Variants in TTC28 observed in about 807,000 individuals in gnomAD.
TTC28 encodes tetratricopeptide repeat domain 28, also known as tetratricopeptide repeat protein 28.
TTC28 carries 61 observed loss-of-function variants against 198.0 expected under a neutral mutation model. The ratio of observed to expected loss-of-function variants is 0.31; its 90% CI spans 0.25 to 0.38. TTC28 has a LOEUF of 0.38. Ranked by LOEUF, TTC28 falls within the 10% of genes least tolerant of loss-of-function variation. The probability of loss-of-function intolerance (pLI) is 1.00; values close to 1 mark genes in which losing one functional copy is unlikely to be tolerated. For missense variants in TTC28, 2,678 were observed against 3,164.0 expected (o/e 0.85, Z 3.69); for synonymous variants, 1,171 against 1,297.8 (o/e 0.90, Z 2.10).
intron 5 of TTC28, among the ~76,000 whole-genome samples, chr22:28,217,092 T>C (rs536667242): frequency 2.0e-3 from 306 of 152,176 alleles, no homozygotes; most frequent in South Asian, 0.013. Flanking sequence ...TACCCTCAGA[T>C]ATAGGCAAGA....
chr22:28,414,450 T>C (rs1387535938), intron 2 of TTC28, among the ~76,000 whole-genome samples: 1 of 152,214 alleles, frequency 6.6e-6, no homozygotes, highest in East Asian at 1.9e-4. Flanking sequence ...CTCAGGATTC[T>C]ATCAACTGAG....
chr22:28,243,198 A>G (rs1929802825), intron 5 of TTC28, among the ~76,000 whole-genome samples: 1 of 92,428 alleles, frequency 1.1e-5, no homozygotes, highest in African/African-American at 3.7e-5. Flanking sequence ...AAAAAAAAAA[A>G]AAAAAAAAAA....
intron 12 of TTC28, among the ~76,000 whole-genome samples, chr22:28,092,308 A>T (rs1370245017): frequency 6.6e-6 from 1 of 152,192 alleles, no homozygotes; most frequent in Admixed American, 6.5e-5. Flanking sequence ...GTTCTGGGAC[A>T]GTAGGGGCTA....
At chr22:28,459,779 A>G (rs981697930) in intron 2 of TTC28, 1 of 152,048 alleles carries the variant, frequency 6.6e-6, no homozygotes, top group Non-Finnish European at 1.5e-5. Context: ...CTTCAAGAAC[A>G]CCTTGACAGC....
At chr22:28,168,626 A>T (rs1003468186) in intron 5 of TTC28, among the ~76,000 whole-genome samples, 1 of 152,192 alleles carries the variant, frequency 6.6e-6, no homozygotes, top group African/African-American at 2.4e-5. Context: ...CATATGTAGA[A>T]AGCTGAAACT....
At chr22:28,416,792 A>G (rs2047173911) in intron 2 of TTC28, among the ~76,000 whole-genome samples, 1 of 152,216 alleles carries the variant, frequency 6.6e-6, no homozygotes, top group East Asian at 1.9e-4. Context: ...GGGAACATTT[A>G]AACAAAACCA....
chr22:28,334,256 G>A (rs532821663), intron 2 of TTC28, among the ~76,000 whole-genome samples: 16 of 151,994 alleles, frequency 1.1e-4, no homozygotes, highest in African/African-American at 3.9e-4. Flanking sequence ...TATCATTGAT[G>A]GACATTTGGG....
At chr22:28,562,070 C>G (rs1269034665) in intron 2 of TTC28, among the ~76,000 whole-genome samples, 1 of 152,104 alleles carries the variant, frequency 6.6e-6, no homozygotes, top group Admixed American at 6.5e-5. Context: ...CATGAAAATT[C>G]ACACTCACAC....
At chr22:28,271,251 G>C (rs1314065728) in intron 5 of TTC28, among the ~76,000 whole-genome samples, 1 of 151,706 alleles carries the variant, frequency 6.6e-6, no homozygotes, top group Non-Finnish European at 1.5e-5. Flanking sequence ...AATATTCCTT[G>C]GGTTAGACTG....
chr22:28,292,866 C>T (rs1443878403), intron 5 of TTC28, among the ~76,000 whole-genome samples: 1 of 152,178 alleles, frequency 6.6e-6, no homozygotes, highest in Non-Finnish European at 1.5e-5. Context: ...ACCACACTAC[C>T]CAGACCTTGA....
At position 28,219,198 on chromosome 22, in the gene TTC28, AAAAT is replaced by A. The variant is rs1332777509; in HGVS notation, c.934-55603_934-55600del. Among the ~76,000 whole-genome samples the A allele has an allele frequency of 2.6e-5, 4 of 152,016 alleles. No individual in the cohort carries two copies. In the East Asian group the frequency reaches 7.7e-4, roughly 29 times the overall value. ...TTGGTCTTGCTTTGCTCACTTAACA[AAAAT>A]AAAGAAAAAAAAAATACCCACTTCG... is the stretch of plus-strand genomic sequence containing the variant. On this transcript the variant is annotated intron_variant, in intron 5 of 22. Transcript: ENST00000397906.
intron 2 of TTC28, among the ~76,000 whole-genome samples, chr22:28,580,882 T>C (rs1367158110): frequency 6.6e-6 from 1 of 152,174 alleles, no homozygotes; most frequent in Non-Finnish European, 1.5e-5. Context: ...TCAAACTATA[T>C]CCTTTGAGAC....
intron 6 of TTC28, among the ~76,000 whole-genome samples, chr22:28,129,034 G>C (rs1310991704): frequency 1.3e-5 from 2 of 152,148 alleles, no homozygotes; most frequent in African/African-American, 2.4e-5. Context: ...CATTTAGCCA[G>C]ATCTAGACAG....
In TTC28 at chr22:28,253,192, C is replaced by T. The variant is rs529730318; in HGVS notation, c.933+43006G>A. Among the ~76,000 whole-genome samples, 10 of 152,160 alleles carry T rather than the reference C, an allele frequency of 6.6e-5. No homozygotes were observed. The East Asian group carries it at 1.9e-3, about 29-fold the overall frequency. Reference sequence around the variant, plus strand: ...ATAAAACAATATATGCAATCAAATTCTTTAAGGAATATATTTCAACAATGT... The same window carrying T: ...ATAAAACAATATATGCAATCAAATTTTTTAAGGAATATATTTCAACAATGT... On this transcript the variant is annotated intron_variant, in intron 5 of 22. Transcript: ENST00000397906.
chr22:28,114,490 T>C (rs529020002), intron 6 of TTC28, among the ~76,000 whole-genome samples: 17 of 152,278 alleles, frequency 1.1e-4, no homozygotes, highest in Non-Finnish European at 2.9e-5. Flanking sequence ...GGATGTCTTA[T>C]CTAACACACT....
intron 2 of TTC28, among the ~76,000 whole-genome samples, chr22:28,496,916 G>A (rs996429492): frequency 2.0e-5 from 3 of 152,054 alleles, no homozygotes; most frequent in African/African-American, 7.2e-5. Context: ...AGAACATGAT[G>A]CAGGATCCCA....
chr22:28,607,073 G>A (rs2050747345), intron 2 of TTC28, among the ~76,000 whole-genome samples: 1 of 152,074 alleles, frequency 6.6e-6, no homozygotes, highest in African/African-American at 2.4e-5. Context: ...GAAGACAGAG[G>A]GATACTGAGA....
At chr22:28,304,224 G>C (rs971079925) in intron 3 of TTC28, among the ~76,000 whole-genome samples, 5 of 151,886 alleles carry the variant, frequency 3.3e-5, no homozygotes, top group African/African-American at 1.2e-4. Context: ...GGCGGAGCTT[G>C]CAGTGAGCCG....
chr22:28,607,322 C>T (rs976985863), intron 2 of TTC28, among the ~76,000 whole-genome samples: 6 of 152,086 alleles, frequency 3.9e-5, no homozygotes, highest in South Asian at 2.1e-4. Context: ...TCATAGGGGC[C>T]GTACTTGAGA....
Sources: gnomAD v4.1 joint callset for allele counts (sites outside exome capture counted in the v4.1 genomes callset) on GRCh38, gnomAD v4.1.1 for gene constraint, MANE v1.5 for transcripts, NCBI Gene and HGNC (gene_info 2026-07-23, HGNC 2026-07-21) for gene names.